ZFHX3: variants seen among roughly 807,000 people sequenced by gnomAD.
The protein encoded by ZFHX3 is zinc finger homeobox 3, also known as zinc finger homeobox protein 3.
A neutral mutation model predicts 279.1 loss-of-function variants in ZFHX3; 42 were observed. That is an observed-to-expected ratio of 0.15 (90% CI 0.12 to 0.19). The LOEUF is 0.19. ZFHX3 is among the 10% of genes least tolerant of loss of function. The probability of loss-of-function intolerance (pLI) is 1.00; values close to 1 mark genes in which losing one functional copy is unlikely to be tolerated. For missense variants in ZFHX3, 4,981 were observed against 4,754.0 expected (o/e 1.05, Z -1.40); for synonymous variants, 2,293 against 1,957.8 (o/e 1.17, Z -4.52).
At chr16:73,595,288 G>A (rs1180259687) in intron 2 of ZFHX3, among the ~76,000 whole-genome samples, 2 of 152,108 alleles carry the variant, frequency 1.3e-5, no homozygotes, top group South Asian at 2.1e-4. Context: ...CACATCCCAT[G>A]GGCCAGATGA....
In ZFHX3 at chr16:73,508,458, T is replaced by C. The variant is rs151333576; in HGVS notation, c.-1546-52200A>G. On this transcript the variant is annotated intron_variant, in intron 2 of 17. Transcript: ENST00000641206. ...GGGTATACCACCATGGAATACTCCA[T>C]GCCAGTGAAAGGATATTATGCTTCA... 4.1e-4 allele frequency among the ~76,000 whole-genome samples: 63 copies of C among 152,322 alleles called. No homozygotes were observed. In the East Asian group the frequency reaches 0.011, roughly 26 times the overall value.
chr16:73,866,427 T>C (rs1219872245), intron 1 of ZFHX3, among the ~76,000 whole-genome samples: 3 of 151,744 alleles, frequency 2.0e-5, no homozygotes, highest in African/African-American at 7.3e-5. Flanking sequence ...CCTCCCAAAG[T>C]GCTGGGATTA....
At position 73,399,628 on chromosome 16, in the gene ZFHX3, TC is replaced by T. The variant is rs957773164; in HGVS notation, c.-1291+56374del. ...GGTGCACTGGAGCATGCAGCCAATC[TC>T]CCTGCACGCTTGAGTGGGCCGTGGT... On this transcript the variant is annotated intron_variant, in intron 3 of 17. Coordinates refer to the ZFHX3 transcript ENST00000641206. 2.5e-4 allele frequency among the ~76,000 whole-genome samples: 38 copies of T among 152,100 alleles called. 1 individual carries two copies. Among genetic ancestry groups the T allele is most frequent in the Admixed American group, 6.5e-5 (1 of 15,268 alleles).
At chr16:73,768,848 G>A (rs2053984141) in intron 1 of ZFHX3, among the ~76,000 whole-genome samples, 2 of 152,130 alleles carry the variant, frequency 1.3e-5, no homozygotes, top group Admixed American at 6.5e-5. Context: ...ACTGAAAGCT[G>A]TACTCATACA....
intron 3 of ZFHX3, among the ~76,000 whole-genome samples, chr16:72,917,810 A>G (rs1436831096): frequency 6.6e-6 from 1 of 152,226 alleles, no homozygotes; most frequent in Non-Finnish European, 1.5e-5. Flanking sequence ...TTTTACATAC[A>G]ATAAACATGA....
intron 4 of ZFHX3, among the ~76,000 whole-genome samples, chr16:72,860,164 G>A (rs1224786504): frequency 6.6e-6 from 1 of 152,034 alleles, no homozygotes; most frequent in South Asian, 2.1e-4. Context: ...TTCCCATCTA[G>A]AAAAACGGCT....
At chr16:73,757,843 G>A (rs2053826452) in intron 1 of ZFHX3, among the ~76,000 whole-genome samples, 1 of 152,156 alleles carries the variant, frequency 6.6e-6, no homozygotes, top group African/African-American at 2.4e-5. Context: ...AGAAGCCCAG[G>A]AAACCTTGAT....
intron 2 of ZFHX3, among the ~76,000 whole-genome samples, chr16:73,468,419 T>A (rs2018608907): frequency 6.6e-6 from 1 of 152,184 alleles, no homozygotes; most frequent in Non-Finnish European, 1.5e-5. Flanking sequence ...GTAGTCCTTA[T>A]TCTTTGCAAT....
intron 1 of ZFHX3, among the ~76,000 whole-genome samples, chr16:73,682,099 A>G (rs1387840656): frequency 1.3e-5 from 2 of 152,206 alleles, no homozygotes; most frequent in Non-Finnish European, 2.9e-5. Context: ...GCAGTAGTGT[A>G]CTTATTTAGA....
intron 4 of ZFHX3, among the ~76,000 whole-genome samples, chr16:73,295,360 T>G (rs922422216): frequency 6.6e-6 from 1 of 152,252 alleles, no homozygotes; most frequent in Admixed American, 6.5e-5. Context: ...TGTTTAGTGT[T>G]AGAAAACGAA....
At chr16:73,547,854 T>C (rs928265794) in intron 2 of ZFHX3, among the ~76,000 whole-genome samples, 1 of 152,126 alleles carries the variant, frequency 6.6e-6, no homozygotes, top group Non-Finnish European at 1.5e-5. Flanking sequence ...GCAGGGAAAA[T>C]ATGGTTTTCC....
chr16:73,101,151 C>T (rs920517115), intron 7 of ZFHX3, among the ~76,000 whole-genome samples: 1 of 152,172 alleles, frequency 6.6e-6, no homozygotes, highest in Non-Finnish European at 1.5e-5. Context: ...GCTTCACTTT[C>T]GATTCCTCTC....
rs2143300987 is a variant in ZFHX3, at chr16:72,788,370, C to T, written c.9906G>A (p.Leu3302=). ...AGTAAGGAAGGAACTGGCTTGTGAG[C>T]AATGCTGTGGGGTCCGAAGTCAACG... ...QAALTSDPTA[L]LTSQFLPYFV... Residue 3302 remains leucine, a synonymous_variant, in exon 10 of 10, where the codon TTG becomes TTA. Transcript: ENST00000268489. 1.2e-6 allele frequency: 2 copies of T among 1,614,198 alleles called. No individual in the cohort carries two copies. Among genetic ancestry groups the T allele is most frequent in the Non-Finnish European group, 1.7e-6 (2 of 1,180,034 alleles).
At chr16:73,352,418 T>C (rs1269339715) in intron 3 of ZFHX3, among the ~76,000 whole-genome samples, 1 of 151,658 alleles carries the variant, frequency 6.6e-6, no homozygotes, top group Non-Finnish European at 1.5e-5. Flanking sequence ...GAGGTTGTTA[T>C]AAGGATAAAC....
In ZFHX3 at chr16:72,959,358, T is replaced by C. The variant is rs966129297; in HGVS notation, c.788A>G (p.Asn263Ser). The C allele has an allele frequency of 2.8e-5, 46 of 1,614,126 alleles. No individual in the cohort carries two copies. The highest frequency in any genetic ancestry group is 4.0e-5 in the African/African-American group (3 of 74,948). ...GCCATCGAATTTGGACAGGTCCACA[T>C]TGTTGGGAACATCTTTGGATACGCA... ...SSCVSKDVPNNVDLSKFDGFV... is the reference protein window; with the variant it reads ...SSCVSKDVPNSVDLSKFDGFV... The change falls in exon 2 of 10, where the codon AAT becomes AGT. Residue 263 changes from asparagine (N) to serine (S), a missense_variant. Asn to Ser is a conservative substitution (Grantham distance 46). Transcript: ENST00000268489.
chr16:73,098,735 G>C (rs1320131554), intron 7 of ZFHX3: 1 of 152,084 alleles, frequency 6.6e-6, no homozygotes, highest in African/African-American at 2.4e-5. Flanking sequence ...CTGTTTGCTA[G>C]CTTGGCAGAG....
chr16:73,021,072 C>T (rs186940333), intron 1 of ZFHX3, among the ~76,000 whole-genome samples: 16 of 152,282 alleles, frequency 1.1e-4, no homozygotes, highest in Non-Finnish European at 4.4e-5. Context: ...ATTATTTTCC[C>T]GATGTCCTCA....
chr16:73,679,916 T>C (rs536953315), intron 2 of ZFHX3: 8 of 152,282 alleles, frequency 5.3e-5, no homozygotes, highest in African/African-American at 1.9e-4. Context: ...AAATATTAAG[T>C]AGTAACGACA....
At position 72,958,159 on chromosome 16, in the gene ZFHX3, G is replaced by A. The variant is rs1961356677; in HGVS notation, c.1987C>T (p.His663Tyr). Residue 663 changes from histidine (H) to tyrosine (Y), a missense_variant, in exon 2 of 10, where the codon CAT (histidine) becomes TAT (tyrosine). This residue lies in a region of ZFHX3 where 1,068 missense variants were observed against 935.2 expected (regional missense o/e 1.14). Transcript: ENST00000268489. ...AGTGTCTTACACGAGTTACGAGAAT[G>A]CATCATGGTCATGTGGCCGCCCAGC... ...RSLGGHMTMM[H>Y]SRNSCKTLKC... 1 of 1,614,014 alleles carries A rather than the reference G, an allele frequency of 6.2e-7. No homozygotes were observed. Among genetic ancestry groups the A allele is most frequent in the Admixed American group, 1.7e-5 (1 of 60,028 alleles).
Sources: gnomAD v4.1 joint callset for allele counts (sites outside exome capture counted in the v4.1 genomes callset) on GRCh38, gnomAD v4.1.1 for gene constraint, gnomAD v4.1.1 regional missense constraint, MANE v1.5 for transcripts, NCBI Gene and HGNC (gene_info 2026-07-23, HGNC 2026-07-21) for gene names.